The following RIN3 variants were observed in gnomAD, a reference collection of about 807,000 sequenced individuals.
RIN3 encodes Ras and Rab interactor 3, also known as RAB5 interacting protein 3.
Under a neutral mutation model 76.3 loss-of-function variants are expected in RIN3, and 54 were observed. The observed-to-expected ratio is 0.71, with a 90% CI of 0.57 to 0.89. The LOEUF (loss-of-function observed/expected upper bound fraction) is 0.89, where lower values mean the gene tolerates loss of function less well. Among genes scored for constraint, RIN3 ranks in the 40% least tolerant of loss-of-function variants. The pLI is 0.00. For synonymous variants in RIN3, 576 were observed against 564.0 expected (o/e 1.02, Z -0.30); for missense variants, 1,256 against 1,322.1 (o/e 0.95, Z 0.78).
rs372580130 is a variant in RIN3 at position 92,641,348 on chromosome 14, G to C, written c.532+19G>C. The C allele has an allele frequency of 6.3e-7, 1 of 1,593,012 alleles. No homozygotes were observed. Among genetic ancestry groups the C allele is most frequent in the Non-Finnish European group, 8.6e-7 (1 of 1,160,746 alleles). On this transcript the variant is annotated intron_variant, in intron 5 of 9. Transcript: ENST00000216487. ...GGTCTGGGTGAGTCTTCTCCGAGGG[G>C]TTAGGGGAGCTGGTGGGGCGTTAGG...
Position 92,688,139 on chromosome 14 carries a change from C to T in RIN3, c.2845C>T (p.Arg949Cys). The change falls in exon 10 of 10, where the codon CGC (arginine) becomes TGC (cysteine). Residue 949 changes from arginine (R) to cysteine (C), a missense_variant. This residue lies in a region of RIN3 where 218 missense variants were observed against 174.5 expected (regional missense o/e 1.25). Transcript: ENST00000216487. ...LPHCIKGYLL[R>C]SEPKRDFHFV... ...GCACTGCATCAAGGGCTACCTGCTG[C>T]GCAGCGAGCCCAAGCGCGACTTCCA... 1.2e-6 allele frequency: 2 copies of T among 1,610,198 alleles called. No homozygotes were observed. The highest frequency in any genetic ancestry group is 2.2e-5 in the East Asian group (1 of 44,804).
intron 3 of RIN3, among the ~76,000 whole-genome samples, chr14:92,582,441 A>C (rs115287089): frequency 9.3e-5 from 7 of 75,080 alleles, no homozygotes; most frequent in South Asian, 8.2e-4. Context: ...TTCCTTTTTT[A>C]CTTTTTTTTT....
chr14:92,520,244 A>G (rs1408639770), intron 1 of RIN3, among the ~76,000 whole-genome samples: 1 of 152,220 alleles, frequency 6.6e-6, no homozygotes, highest in African/African-American at 2.4e-5. Context: ...ACGTGACGGC[A>G]CACACTCAGG....
intron 1 of RIN3, among the ~76,000 whole-genome samples, chr14:92,522,460 C>G (rs1265105252): frequency 6.6e-6 from 1 of 152,138 alleles, no homozygotes; most frequent in Non-Finnish European, 1.5e-5. Context: ...GTACGTGTTA[C>G]CTTGTATTCT....
chr14:92,569,967 C>T (rs959096821), intron 2 of RIN3, among the ~76,000 whole-genome samples: 1 of 152,168 alleles, frequency 6.6e-6, no homozygotes, highest in Non-Finnish European at 1.5e-5. Flanking sequence ...TTTTGGGTGG[C>T]ATTCGCAGTA....
At chr14:92,660,470 C>A (rs2896217) in intron 7 of RIN3, among the ~76,000 whole-genome samples, 1 of 152,096 alleles carries the variant, frequency 6.6e-6, no homozygotes, top group African/African-American at 2.4e-5. Context: ...TGCTCACGTG[C>A]TGAGTGGTTG....
intron 8 of RIN3, among the ~76,000 whole-genome samples, chr14:92,678,665 C>T (rs1371374111): frequency 7.1e-6 from 1 of 140,596 alleles, no homozygotes; most frequent in Non-Finnish European, 1.6e-5. Context: ...CATCCATCCA[C>T]CCGTCCACCC....
chr14:92,615,406 G>T lies in RIN3; in HGVS notation c.368-1G>T. The T allele has an allele frequency of 6.2e-7, 1 of 1,613,970 alleles. No homozygotes were observed. On this transcript the variant is annotated splice_acceptor_variant, in intron 3 of 9. Coordinates refer to ENST00000216487, the MANE Select transcript of RIN3 (RefSeq NM_024832.5). LOFTEE classifies it high-confidence loss of function. Reference sequence around the variant, plus strand: ...CCAGGGCCCTTCTTGTGTCTCCCCAGTATTGTACCTGGAAGGCTCGGCTCT... The same window carrying T: ...CCAGGGCCCTTCTTGTGTCTCCCCATTATTGTACCTGGAAGGCTCGGCTCT...
Position 92,652,916 on chromosome 14 carries a change from T to C in RIN3, c.1867T>C (p.Tyr623His). Residue 623 changes from tyrosine to histidine, a missense_variant, in exon 6 of 10, where the codon TAC (tyrosine) becomes CAC (histidine). Around this residue, in one of 3 missense-constraint regions of RIN3, gnomAD observed 428 missense variants for 521.2 expected, o/e 0.82. Transcript: ENST00000216487. This position sits in a 1 kb window ranked among gnomAD's most constrained non-coding sequence, Gnocchi z 6.4. ...GTACTTTGGCAGCCTGGTGCAGGAC[T>C]ACAAGGTGTACAGCCTGGAGATGAT... ...GSYFGSLVQD[Y>H]KVYSLEMMAR... 6.2e-7 allele frequency: 1 copy of C among 1,613,976 alleles called. No individual in the cohort carries two copies. Among genetic ancestry groups the C allele is most frequent in the Non-Finnish European group, 8.5e-7 (1 of 1,180,022 alleles).
intron 1 of RIN3, among the ~76,000 whole-genome samples, chr14:92,538,886 A>G (rs867050356): frequency 1.3e-5 from 2 of 151,958 alleles, no homozygotes; most frequent in East Asian, 3.9e-4. Flanking sequence ...CCTAGTGACT[A>G]TGTCTCGGTT....
chr14:92,541,479 A>T (rs58334437), intron 1 of RIN3, among the ~76,000 whole-genome samples: 4,810 of 152,354 alleles, frequency 0.032, 92 homozygotes, highest in East Asian at 0.094. Context: ...AAGCAGTATG[A>T]TGAGGAGGCT....
At chr14:92,588,700 C>G (rs1397762212) in intron 3 of RIN3, among the ~76,000 whole-genome samples, 1 of 152,124 alleles carries the variant, frequency 6.6e-6, no homozygotes, top group African/African-American at 2.4e-5. Flanking sequence ...ATCATAGCAG[C>G]ATGAAAGGAG....
intron 4 of RIN3, among the ~76,000 whole-genome samples, chr14:92,633,125 G>A (rs1886650326): frequency 6.6e-6 from 1 of 152,180 alleles, no homozygotes; most frequent in Non-Finnish European, 1.5e-5. Flanking sequence ...GGAACCAGAG[G>A]GGTGAGGGCA....
At chr14:92,661,032 T>G (rs1887862986) in intron 7 of RIN3, among the ~76,000 whole-genome samples, 1 of 152,198 alleles carries the variant, frequency 6.6e-6, no homozygotes, top group South Asian at 2.1e-4. Context: ...TAACCTTGAA[T>G]GATTTACTTA....
chr14:92,651,207 GT>G (rs1887403004), intron 5 of RIN3, among the ~76,000 whole-genome samples: 1 of 152,058 alleles, frequency 6.6e-6, no homozygotes, highest in African/African-American at 2.4e-5. Flanking sequence ...CAGGCCTTCC[GT>G]CCCCTGTGCT....
At chr14:92,574,112 G>A (rs980053692) in intron 2 of RIN3, among the ~76,000 whole-genome samples, 1 of 152,184 alleles carries the variant, frequency 6.6e-6, no homozygotes, top group Non-Finnish European at 1.5e-5. Flanking sequence ...TAAAGGACAC[G>A]GACACACAAG....
chr14:92,606,503 C>G (rs187002894), intron 3 of RIN3, among the ~76,000 whole-genome samples: 6 of 152,218 alleles, frequency 3.9e-5, no homozygotes, highest in Admixed American at 3.9e-4. Flanking sequence ...CATGATCACA[C>G]CACTGCATTC....
intron 1 of RIN3, among the ~76,000 whole-genome samples, chr14:92,529,567 T>C (rs1479730384): frequency 6.6e-6 from 1 of 152,158 alleles, no homozygotes; most frequent in Non-Finnish European, 1.5e-5. Context: ...ACTTTTGAAG[T>C]CATTCAAGGA....
At position 92,643,701 on chromosome 14, in the gene RIN3, G is replaced by C. The variant is rs1887096024; in HGVS notation, c.532+2372G>C. 6.6e-6 allele frequency among the ~76,000 whole-genome samples: 1 copy of C among 152,208 alleles called. No individual in the cohort carries two copies. Among genetic ancestry groups the C allele is most frequent in the Non-Finnish European group, 1.5e-5 (1 of 68,036 alleles). On this transcript the variant is annotated intron_variant, in intron 5 of 9. Coordinates refer to ENST00000216487, the MANE Select transcript of RIN3 (RefSeq NM_024832.5). The surrounding 1 kb of genome is among the most constrained non-coding windows in gnomAD (Gnocchi z 4.8). ...TCAGCACTTTGGGAGGCCGAGGCGG[G>C]CAGATAACCTGAAGTCAGGAGTTCA...
Sources: allele counts gnomAD v4.1 joint callset (sites outside exome capture counted in the v4.1 genomes callset), GRCh38; gene constraint gnomAD v4.1.1; regional missense constraint gnomAD v4.1.1; non-coding constraint Gnocchi (gnomAD v3.1); transcripts MANE v1.5; gene names NCBI Gene and HGNC (gene_info 2026-07-23, HGNC 2026-07-21).